TIPIN: variants seen among roughly 807,000 people sequenced by gnomAD.
TIPIN encodes TIMELESS-interacting protein.
Under a neutral mutation model 35.6 loss-of-function variants are expected in TIPIN, and 29 were observed. That is an observed-to-expected ratio of 0.82 (90% CI 0.61 to 1.11). TIPIN has a LOEUF of 1.11. Among genes scored for constraint, TIPIN ranks in the 50% most tolerant of loss-of-function variants. The pLI is 0.00. For synonymous variants in TIPIN, 102 were observed against 121.5 expected, an observed-to-expected ratio of 0.84 and a Z score of 1.06; for missense variants, 296 against 345.4, an observed-to-expected ratio of 0.86 and a Z score of 1.13.
intron 6 of TIPIN, among the ~76,000 whole-genome samples, chr15:66,346,053 T>C (rs1041684773): frequency 2.6e-5 from 4 of 151,996 alleles, no homozygotes; most frequent in Admixed American, 2.0e-4. Flanking sequence ...TTCAAGCAAT[T>C]CTACTGCCTT....
At chr15:66,349,643 C>T (rs888650327) in intron 4 of TIPIN, among the ~76,000 whole-genome samples, 10 of 152,028 alleles carry the variant, frequency 6.6e-5, no homozygotes, top group Non-Finnish European at 1.0e-4. Flanking sequence ...CTATGGGAGG[C>T]CTAGGGGGAC....
At chr15:66,382,595 G>C (rs1035738299) in intron 1 of TIPIN, among the ~76,000 whole-genome samples, 2 of 152,048 alleles carry the variant, frequency 1.3e-5, no homozygotes, top group African/African-American at 4.8e-5. Context: ...GGCTAGTGTT[G>C]AACTCCTGGG....
At chr15:66,370,549 A>G (rs2093274171) in intron 1 of TIPIN, among the ~76,000 whole-genome samples, 1 of 152,084 alleles carries the variant, frequency 6.6e-6, no homozygotes, top group Non-Finnish European at 1.5e-5. Flanking sequence ...TTGCACTGTA[A>G]CTCTTTACTC....
chr15:66,365,836 C>T (rs79363368), intron 1 of TIPIN, among the ~76,000 whole-genome samples: 27 of 152,084 alleles, frequency 1.8e-4, no homozygotes, highest in Non-Finnish European at 2.6e-4. Flanking sequence ...TGAGCCACCG[C>T]GCCCAGCCTG....
At position 66,336,193 on chromosome 15, in the gene TIPIN, GTTT is replaced by G. The variant is rs764344578; in HGVS notation, c.*762_*764del. 10 of 152,160 alleles carry G rather than the reference GTTT, an allele frequency of 6.6e-5. No individual in the cohort carries two copies. Among genetic ancestry groups the G allele is most frequent in the Non-Finnish European group, 1.2e-4 (8 of 68,050 alleles). 9.4% of individuals were successfully genotyped at this position (152,160 alleles called of 1,614,324 possible). A position where few individuals can be genotyped will look rare whatever the true frequency, so the allele number is the denominator to read the frequency against. ...AAACCTCCCATAAAGCCTGTAGATA[GTTT>G]TTAAGATAATTTTTACTTCTTTTAA... is the stretch of plus-strand genomic sequence containing the variant. On this transcript the variant is annotated 3_prime_UTR_variant, in exon 8 of 8. Transcript: ENST00000261881.
At chr15:66,343,632 C>T (rs529557034) in intron 6 of TIPIN, among the ~76,000 whole-genome samples, 240 of 152,288 alleles carry the variant, frequency 1.6e-3, no homozygotes, top group African/African-American at 5.5e-3. Flanking sequence ...ACTAAAATGG[C>T]CTCCATTGTC....
At chr15:66,377,091 G>C (rs991131035) in intron 1 of TIPIN, among the ~76,000 whole-genome samples, 14 of 113,238 alleles carry the variant, frequency 1.2e-4, no homozygotes, top group African/African-American at 4.6e-4. Flanking sequence ...CTGGGCAACA[G>C]AGCAAGACTC....
At chr15:66,375,974 G>A (rs908917712) in intron 1 of TIPIN, among the ~76,000 whole-genome samples, 6 of 151,884 alleles carry the variant, frequency 4.0e-5, no homozygotes, top group South Asian at 2.1e-4. Flanking sequence ...GGCGGCGCAC[G>A]CCTGTAGTCC....
In TIPIN at chr15:66,341,139, A is replaced by G; in HGVS notation, c.682+11T>C. ...TTAATGGTAGCATATAAAATTTGGC[A>G]TAAAATTTACCATTTCCTAGGGTCT... On this transcript the variant is annotated intron_variant, in intron 7 of 7. Coordinates refer to ENST00000261881, the MANE Select transcript of TIPIN (RefSeq NM_017858.3). The G allele has an allele frequency of 3.1e-6, 5 of 1,608,400 alleles. No homozygotes were observed. The highest frequency in any genetic ancestry group is 4.2e-6 in the Non-Finnish European group (5 of 1,178,808).
At chr15:66,350,843 G>A (rs2093162905) in intron 4 of TIPIN, among the ~76,000 whole-genome samples, 1 of 149,962 alleles carries the variant, frequency 6.7e-6, no homozygotes, top group Non-Finnish European at 1.5e-5. Context: ...GCTAAGGCAG[G>A]AGAATGGCGT....
chr15:66,382,271 C>T, intron 1 of TIPIN: 15 of 853,314 alleles, frequency 1.8e-5, no homozygotes, highest in Non-Finnish European at 2.1e-5. Context: ...CAGCCAAGGG[C>T]AGAACTGGAA....
At chr15:66,365,268 G>C in intron 1 of TIPIN, among the ~76,000 whole-genome samples, 1 of 151,480 alleles carries the variant, frequency 6.6e-6, no homozygotes, top group Non-Finnish European at 1.5e-5. Flanking sequence ...TGTCCTCACT[G>C]CTCATAATAC....
chr15:66,385,613 C>T (rs183099533), intron 1 of TIPIN, among the ~76,000 whole-genome samples: 70 of 152,080 alleles, frequency 4.6e-4, no homozygotes, highest in Admixed American at 1.6e-3. Flanking sequence ...CTCAGCCCCC[C>T]AAGTAGTTGG....
intron 1 of TIPIN, among the ~76,000 whole-genome samples, chr15:66,355,027 CTT>C (rs747834289): frequency 3.9e-4 from 44 of 112,722 alleles, no homozygotes; most frequent in African/African-American, 8.7e-4. Context: ...CAATATATAT[CTT>C]TTTTTTTTTT....
intron 6 of TIPIN, among the ~76,000 whole-genome samples, chr15:66,346,848 G>T (rs1435423846): frequency 1.3e-5 from 2 of 151,720 alleles, no homozygotes; most frequent in Non-Finnish European, 2.9e-5. Flanking sequence ...CTGGAGTGCA[G>T]TGGCGTGATC....
chr15:66,359,128 G>C (rs2093220017), upstream of TIPIN, among the ~76,000 whole-genome samples: 1 of 149,650 alleles, frequency 6.7e-6, no homozygotes, highest in Non-Finnish European at 1.5e-5. Flanking sequence ...CTCCAGCCTG[G>C]GTAACAGAGT....
Position 66,337,073 on chromosome 15 carries a change from C to CA in TIPIN, c.790dup (p.Cys264LeufsTer2). 1 of 1,614,116 alleles carries CA rather than the reference C, an allele frequency of 6.2e-7. No homozygotes were observed. Among genetic ancestry groups the CA allele is most frequent in the South Asian group, 1.1e-5 (1 of 91,090 alleles). ...TAAAGTATTGGCAATAGCATCATTA[C>CA]ATGGATTGTCCAGAATGTCTTCGTT... On this transcript the variant is annotated frameshift_variant, in exon 8 of 8. Coordinates refer to ENST00000261881, the MANE Select transcript of TIPIN (RefSeq NM_017858.3). LOFTEE classifies it high-confidence loss of function.
At chr15:66,358,710 C>T (rs1470405794), upstream of TIPIN, among the ~76,000 whole-genome samples, 2 of 152,284 alleles carry the variant, frequency 1.3e-5, no homozygotes, top group Admixed American at 6.5e-5. Context: ...AGCCACCGCA[C>T]CCAGCTACTT....
At chr15:66,381,931 G>A (rs1302749290) in intron 1 of TIPIN, among the ~76,000 whole-genome samples, 1 of 152,180 alleles carries the variant, frequency 6.6e-6, no homozygotes, top group Non-Finnish European at 1.5e-5. Flanking sequence ...TGAGCATGGT[G>A]GCGGGTGCCT....
Sources: allele counts gnomAD v4.1 joint callset (sites outside exome capture counted in the v4.1 genomes callset), GRCh38; gene constraint gnomAD v4.1.1; transcripts MANE v1.5; gene names NCBI Gene and HGNC (gene_info 2026-07-23, HGNC 2026-07-21).